ABCC2: variants seen among roughly 807,000 people sequenced by gnomAD.
The protein encoded by ABCC2 is ATP binding cassette subfamily C member 2.
ABCC2 carries 157 observed loss-of-function variants against 173.4 expected under a neutral mutation model. The ratio of observed to expected loss-of-function variants is 0.91; its 90% CI spans 0.80 to 1.03. ABCC2 has a LOEUF of 1.03. Ranked by LOEUF, ABCC2 falls within the 50% of genes least tolerant of loss-of-function variation. The pLI, the probability that ABCC2 is intolerant of heterozygous loss-of-function variation, is 0.00. For missense variants in ABCC2, 1,822 were observed against 1,852.3 expected (o/e 0.98, Z 0.30); for synonymous variants, 657 against 693.5 (o/e 0.95, Z 0.83).
At chr10:99,820,789 G>A (rs958338704) in intron 19 of ABCC2, among the ~76,000 whole-genome samples, 3 of 152,110 alleles carry the variant, frequency 2.0e-5, no homozygotes, top group Non-Finnish European at 2.9e-5. Flanking sequence ...AGGTAGTAGC[G>A]TGGAGAAAAC....
At chr10:99,788,297 C>A (rs117678654) in intron 2 of ABCC2, among the ~76,000 whole-genome samples, 2,075 of 152,204 alleles carry the variant, frequency 0.014, 28 homozygotes, top group Non-Finnish European at 0.021. Flanking sequence ...CTGCATTTTT[C>A]TCTCTTTTTG....
intron 20 of ABCC2, 26 bp downstream of exon 20, chr10:99,830,459 C>A: frequency 6.2e-7 from 1 of 1,614,108 alleles, no homozygotes; most frequent in Non-Finnish European, 8.5e-7. Context: ...AGCTGGCAGC[C>A]CTCGTCAGCT....
intron 13 of ABCC2, among the ~76,000 whole-genome samples, chr10:99,809,906 G>A (rs1193399385): frequency 1.3e-5 from 2 of 152,206 alleles, no homozygotes; most frequent in African/African-American, 4.8e-5. Context: ...CCGAAGACTG[G>A]AGAGAGACAG....
intron 30 of ABCC2, among the ~76,000 whole-genome samples, chr10:99,848,378 T>C (rs1011542052): frequency 2.0e-5 from 3 of 152,342 alleles, no homozygotes; most frequent in Admixed American, 1.3e-4. Flanking sequence ...TCCTGTAACA[T>C]TTTTGTTTTT....
chr10:99,805,269 A>C, intron 10 of ABCC2, 113 bp from the exon 11 acceptor site: 1 of 894,370 alleles, frequency 1.1e-6, no homozygotes, highest in Admixed American at 1.9e-5. Flanking sequence ...GGGCACCTCA[A>C]GTTCTTACTA....
chr10:99,786,230 G>A (rs2037708922), intron 2 of ABCC2, among the ~76,000 whole-genome samples: 1 of 152,036 alleles, frequency 6.6e-6, no homozygotes, highest in Non-Finnish European at 1.5e-5. Context: ...AGCTAGAAGT[G>A]GTAGGATCAC....
At chr10:99,823,271 T>A (rs1208410631) in intron 19 of ABCC2, among the ~76,000 whole-genome samples, 12 of 152,158 alleles carry the variant, frequency 7.9e-5, no homozygotes, top group African/African-American at 2.7e-4. Flanking sequence ...AAGCATGAAG[T>A]TCTTGTGCTT....
chr10:99,831,650 G>C lies in ABCC2; in HGVS notation c.2923G>C (p.Gly975Arg). The change falls in exon 22 of 32, where the codon GGA becomes CGA. Residue 975 changes from glycine to arginine, a missense_variant. By Grantham distance (125) the Gly-to-Arg change is moderately radical (BLOSUM62 -2). Coordinates refer to ENST00000647814, the MANE Select transcript of ABCC2 (RefSeq NM_000392.5). ...CTACCTGGAGTACCTACAAGCAATAGGATTGTTTTCGATATTCTTCATCAT... is the reference window on the plus strand; with the variant it reads ...CTACCTGGAGTACCTACAAGCAATACGATTGTTTTCGATATTCTTCATCAT... Reference protein sequence around the residue: ...SIYLEYLQAIGLFSIFFIILA... With the variant: ...SIYLEYLQAIRLFSIFFIILA... 1 of 1,614,150 alleles carries C rather than the reference G, an allele frequency of 6.2e-7. No homozygotes were observed. Among genetic ancestry groups the C allele is most frequent in the Admixed American group, 1.7e-5 (1 of 60,016 alleles).
intron 25 of ABCC2, 55 bp from the exon 26 acceptor site, chr10:99,841,912 G>C (rs1177295588): frequency 6.2e-7 from 1 of 1,613,430 alleles, no homozygotes; most frequent in East Asian, 2.2e-5. Flanking sequence ...AAGGTTGCTG[G>C]TTAAGATGAG....
At chr10:99,850,237 G>A (rs866494412) in intron 30 of ABCC2, among the ~76,000 whole-genome samples, 8 of 152,282 alleles carry the variant, frequency 5.3e-5, no homozygotes, top group South Asian at 4.1e-4. Context: ...TTGATGTCAC[G>A]GCAACCAAAT....
Position 99,840,387 on chromosome 10 carries a change from G to A in ABCC2, c.3615-1580G>A, listed in dbSNP as rs1171577164. Among the ~76,000 whole-genome samples the A allele has an allele frequency of 3.4e-5, 5 of 145,492 alleles. No homozygotes were observed. The South Asian group carries it at 8.6e-4, about 25-fold the overall frequency. ...CGCAGCCGCGCCAACCACCAGCCGC[G>A]GCCACCATGGCCGGACGGGCTCCCT... On this transcript the variant is annotated intron_variant, in intron 25 of 31. Transcript: ENST00000647814.
chr10:99,798,982 C>A (rs1314726907), intron 7 of ABCC2, among the ~76,000 whole-genome samples: 2 of 152,172 alleles, frequency 1.3e-5, no homozygotes, highest in African/African-American at 4.8e-5. Flanking sequence ...CTCTTACCAG[C>A]TTAGTTGCCT....
At chr10:99,841,863 C>A in intron 25 of ABCC2, 104 bp from the exon 26 acceptor site, 1 of 1,538,124 alleles carries the variant, frequency 6.5e-7, no homozygotes, top group Non-Finnish European at 8.9e-7. Flanking sequence ...GAGTGCGGCC[C>A]GATCAAGTCA....
intron 2 of ABCC2, chr10:99,788,669 G>GCAGTTTCCAAGA (rs2037762060): frequency 6.5e-6 from 1 of 154,968 alleles, no homozygotes; most frequent in Non-Finnish European, 1.4e-5. Context: ...GCTTTCCCCA[G>GCAGTTTCCAAGA]CAGTTTCCAA....
At chr10:99,844,551 C>T (rs1273821447) in intron 28 of ABCC2, 86 bp downstream of exon 28, 1 of 1,563,582 alleles carries the variant, frequency 6.4e-7, no homozygotes, top group Non-Finnish European at 8.7e-7. Flanking sequence ...GGCCCTAAGC[C>T]TTCATCATTT....
chr10:99,814,622 T>TACACACATATGTGTATATACACATAC lies in ABCC2; in HGVS notation c.2094+1503_2094+1504insCACACACATATGTGTATATACACATA, dbSNP rs2038347871. On this transcript the variant is annotated intron_variant, in intron 16 of 31. Coordinates refer to ENST00000647814, the MANE Select transcript of ABCC2 (RefSeq NM_000392.5). Reference sequence around the variant, plus strand: ...ACACACATATGTGTATATACACATATACACACATATGTGTATATACACATA... The same window carrying TACACACATATGTGTATATACACATAC: ...ACACACATATGTGTATATACACATATACACACATATGTGTATATACACATACACACACATATGTGTATATACACATA... Among the ~76,000 whole-genome samples, 27 of 22,552 alleles carry TACACACATATGTGTATATACACATAC rather than the reference T, an allele frequency of 1.2e-3. 2 individuals are homozygous for TACACACATATGTGTATATACACATAC. The highest frequency in any genetic ancestry group is 0.01 in the Admixed American group (26 of 2,574). The allele number at this position is 22,552 out of a possible 152,430, so 14.8% of individuals were successfully genotyped here. A position where few individuals can be genotyped will look rare whatever the true frequency, so the allele number is the denominator to read the frequency against.
rs1384420877 is a variant in ABCC2, at chr10:99,814,360, C to T, written c.2094+1216C>T. Among the ~76,000 whole-genome samples the T allele has an allele frequency of 5.3e-4, 60 of 114,148 alleles. 7 individuals are homozygous for T. The highest frequency in any genetic ancestry group is 1.8e-3 in the African/African-American group (55 of 31,428). The allele number at this position is 114,148 out of a possible 152,430, so 74.9% of individuals were successfully genotyped here. A position where few individuals can be genotyped will look rare whatever the true frequency, so the allele number is the denominator to read the frequency against. ...ATGTATATATACACACGTATGTATACACACATGTATATATACACATATATA... is the reference window on the plus strand; with the variant it reads ...ATGTATATATACACACGTATGTATATACACATGTATATATACACATATATA... On this transcript the variant is annotated intron_variant, in intron 16 of 31. Coordinates refer to ENST00000647814, the MANE Select transcript of ABCC2 (RefSeq NM_000392.5).
In ABCC2 at chr10:99,851,775, C is replaced by T; in HGVS notation, c.*144C>T. On this transcript the variant is annotated 3_prime_UTR_variant, in exon 32 of 32. Transcript: ENST00000647814. Reference sequence around the variant, plus strand: ...AAGTGAACACCCATGAACCTACTACCCAGGTTAAGAAAATAAATGTCACCA... The same window carrying T: ...AAGTGAACACCCATGAACCTACTACTCAGGTTAAGAAAATAAATGTCACCA... 1 of 796,082 alleles carries T rather than the reference C, an allele frequency of 1.3e-6. No homozygotes were observed. Among genetic ancestry groups the T allele is most frequent in the Non-Finnish European group, 1.9e-6 (1 of 530,170 alleles). 49.3% of individuals were successfully genotyped at this position (796,082 alleles called of 1,614,324 possible). A position where few individuals can be genotyped will look rare whatever the true frequency, so the allele number is the denominator to read the frequency against.
intron 12 of ABCC2, 146 bp downstream of exon 12, chr10:99,807,667 C>A: frequency 1.7e-6 from 2 of 1,175,552 alleles, no homozygotes; most frequent in Non-Finnish European, 2.5e-6. Flanking sequence ...CCGCCCCATG[C>A]CACTTTTCCT....
Sources: allele counts gnomAD v4.1 joint callset (sites outside exome capture counted in the v4.1 genomes callset), GRCh38; gene constraint gnomAD v4.1.1; transcripts MANE v1.5; gene names NCBI Gene and HGNC (gene_info 2026-07-23, HGNC 2026-07-21).